Variants in ANK3 observed in about 807,000 individuals in gnomAD.
ANK3 encodes the protein ankyrin-3.
In ANK3, 57 loss-of-function variants were observed where a neutral mutation model predicts 370.9. That is an observed-to-expected ratio of 0.15 (90% CI 0.12 to 0.19). The LOEUF (loss-of-function observed/expected upper bound fraction) is 0.19, where lower values mean the gene tolerates loss of function less well. Ranked by LOEUF, ANK3 falls within the 10% of genes least tolerant of loss-of-function variation. The probability of loss-of-function intolerance (pLI) is 1.00; values close to 1 mark genes in which losing one functional copy is unlikely to be tolerated. For synonymous variants in ANK3, 1,929 were observed against 1,946.3 expected (o/e 0.99, Z 0.23); for missense variants, 4,439 against 5,302.1 (o/e 0.84, Z 5.06).
rs745766929 is a variant in ANK3, at chr10:60,270,280, A to G, written c.415-51T>C. On this transcript the variant is annotated intron_variant, in intron 4 of 43. Transcript: ENST00000280772. ...GTCTGCAGCTTTCCAGAGACAATCT[A>G]TTTTTCCATGGTACTGATGATTTAT... is the stretch of plus-strand genomic sequence containing the variant. 5.2e-6 allele frequency: 7 copies of G among 1,333,608 alleles called. No homozygotes were observed. In the South Asian group the frequency reaches 5.6e-5, roughly 11 times the overall value. The allele number at this position is 1,333,608 out of a possible 1,614,324, so 82.6% of individuals were successfully genotyped here. A position where few individuals can be genotyped will look rare whatever the true frequency, so the allele number is the denominator to read the frequency against.
At chr10:60,498,697 A>C (rs1368021484) in intron 2 of ANK3, among the ~76,000 whole-genome samples, 1 of 152,190 alleles carries the variant, frequency 6.6e-6, no homozygotes, top group Non-Finnish European at 1.5e-5. Flanking sequence ...CAATGATAAT[A>C]TATTTTTAAT....
At chr10:60,554,173 G>A (rs2077155649) in intron 2 of ANK3, among the ~76,000 whole-genome samples, 1 of 152,030 alleles carries the variant, frequency 6.6e-6, no homozygotes, top group Non-Finnish European at 1.5e-5. Context: ...GCATCTTTAA[G>A]TCTGTGTTCT....
At chr10:60,699,068 A>T (rs1387445677) in intron 1 of ANK3, among the ~76,000 whole-genome samples, 1 of 142,394 alleles carries the variant, frequency 7.0e-6, no homozygotes, top group East Asian at 2.2e-4. Flanking sequence ...GGTATGTGGG[A>T]GGTAAGCAAT....
chr10:60,305,844 G>C (rs2044921716), intron 1 of ANK3, among the ~76,000 whole-genome samples: 1 of 152,204 alleles, frequency 6.6e-6, no homozygotes, highest in South Asian at 2.1e-4. Flanking sequence ...CAGGCAGATG[G>C]GGAGGCTGGT....
chr10:60,262,323 A>G (rs1204818156), intron 6 of ANK3, among the ~76,000 whole-genome samples: 1 of 152,152 alleles, frequency 6.6e-6, no homozygotes, highest in Non-Finnish European at 1.5e-5. Flanking sequence ...GTGCATTGAA[A>G]CTCAAAATTC....
intron 1 of ANK3, among the ~76,000 whole-genome samples, chr10:60,316,388 A>C (rs1038588498): frequency 4.6e-5 from 7 of 152,162 alleles, no homozygotes; most frequent in Non-Finnish European, 8.8e-5. Context: ...CTGGGTTTAA[A>C]GTTTGCTTGG....
chr10:60,504,256 G>C lies in ANK3; in HGVS notation c.96+110930C>G, dbSNP rs1595162562. ...CAGTAAGAGTTCACTAGAGCATGGAGATACTTGCTCACAACAGGGGCAATG... is the reference window on the plus strand; with the variant it reads ...CAGTAAGAGTTCACTAGAGCATGGACATACTTGCTCACAACAGGGGCAATG... On this transcript the variant is annotated intron_variant, in intron 2 of 43. Coordinates refer to the ANK3 transcript ENST00000373827. Among the ~76,000 whole-genome samples the C allele has an allele frequency of 2.0e-5, 3 of 152,308 alleles. No homozygotes were observed. In the East Asian group the frequency reaches 5.8e-4, roughly 29 times the overall value.
chr10:60,484,694 C>A (rs1323425503), intron 2 of ANK3, among the ~76,000 whole-genome samples: 5 of 152,156 alleles, frequency 3.3e-5, no homozygotes, highest in Non-Finnish European at 7.3e-5. Context: ...CTCAGCATTA[C>A]TATTGCACAG....
intron 38 of ANK3, among the ~76,000 whole-genome samples, chr10:60,066,118 G>A (rs1171837007): frequency 6.6e-6 from 1 of 152,122 alleles, no homozygotes; most frequent in African/African-American, 2.4e-5. Flanking sequence ...AGTTAGAGAA[G>A]TTAATTATTT....
At chr10:60,478,473 T>G (rs2075128663) in intron 2 of ANK3, among the ~76,000 whole-genome samples, 1 of 152,126 alleles carries the variant, frequency 6.6e-6, no homozygotes, top group Non-Finnish European at 1.5e-5. Context: ...GTTTCAAATC[T>G]GACAGCAAAT....
intron 2 of ANK3, among the ~76,000 whole-genome samples, chr10:60,489,788 A>C (rs1395288884): frequency 2.0e-5 from 3 of 152,246 alleles, no homozygotes; most frequent in Non-Finnish European, 4.4e-5. Context: ...GCCTTTTAAA[A>C]ATAATGTAAA....
intron 2 of ANK3, among the ~76,000 whole-genome samples, chr10:60,597,098 G>A (rs1391482615): frequency 2.0e-5 from 3 of 151,906 alleles, no homozygotes; most frequent in Non-Finnish European, 2.9e-5. Context: ...CCACTAAAGC[G>A]AGCCCCCAAA....
intron 10 of ANK3, 46 bp downstream of exon 10, chr10:60,207,990 T>G: frequency 6.5e-7 from 1 of 1,542,498 alleles, no homozygotes; most frequent in East Asian, 2.3e-5. Context: ...GGCAGCACGT[T>G]GTGAGCAAGA....
At chr10:60,153,958 T>A (rs571473618) in intron 23 of ANK3, among the ~76,000 whole-genome samples, 1 of 152,232 alleles carries the variant, frequency 6.6e-6, no homozygotes, top group Non-Finnish European at 1.5e-5. Flanking sequence ...TATGACTTCA[T>A]GTTGATGCAA....
At chr10:60,726,197 A>G (rs1467437507) in intron 1 of ANK3, among the ~76,000 whole-genome samples, 1 of 152,150 alleles carries the variant, frequency 6.6e-6, no homozygotes, top group African/African-American at 2.4e-5. Context: ...GGATGTGATT[A>G]CTTTAATCCT....
chr10:60,286,155 T>C (rs186239697), intron 1 of ANK3, among the ~76,000 whole-genome samples: 3 of 152,124 alleles, frequency 2.0e-5, no homozygotes, highest in Non-Finnish European at 2.9e-5. Flanking sequence ...AAGTTACAAG[T>C]GGATTTGAAG....
At chr10:60,509,889 A>T (rs1222659542) in intron 2 of ANK3, among the ~76,000 whole-genome samples, 1 of 152,100 alleles carries the variant, frequency 6.6e-6, no homozygotes, top group African/African-American at 2.4e-5. Flanking sequence ...AAAATATGAG[A>T]TAATACACAT....
chr10:60,072,356 G>C lies in ANK3; in HGVS notation c.8525C>G (p.Ala2842Gly). The change falls in exon 37 of 44, where the codon GCA becomes GGA. Residue 2842 changes from alanine to glycine, a missense_variant. Ala to Gly is a moderately conservative substitution (Grantham distance 60). Coordinates refer to ENST00000280772, the MANE Select transcript of ANK3 (RefSeq NM_020987.5). ...CTTTTTGTCCCATGGTCCCCTAGTTGCTAAATCTGAGGTTATATGACATGC... is the reference window on the plus strand; with the variant it reads ...CTTTTTGTCCCATGGTCCCCTAGTTCCTAAATCTGAGGTTATATGACATGC... Reference protein sequence around the residue: ...DLACHITSDLATRGPWDKKVF... With the variant: ...DLACHITSDLGTRGPWDKKVF... 1 of 1,613,806 alleles carries C rather than the reference G, an allele frequency of 6.2e-7. No homozygotes were observed. The highest frequency in any genetic ancestry group is 8.5e-7 in the Non-Finnish European group (1 of 1,179,956).
At chr10:60,563,054 T>A (rs1252115759) in intron 2 of ANK3, among the ~76,000 whole-genome samples, 2 of 152,208 alleles carry the variant, frequency 1.3e-5, no homozygotes, top group South Asian at 4.1e-4. Flanking sequence ...AAATTAAGAA[T>A]TTCAAGAATA....
Sources: gnomAD v4.1 joint callset for allele counts (sites outside exome capture counted in the v4.1 genomes callset) on GRCh38, gnomAD v4.1.1 for gene constraint, MANE v1.5 for transcripts, NCBI Gene and HGNC (gene_info 2026-07-23, HGNC 2026-07-21) for gene names.